Variants in CALN1 observed in about 807,000 individuals in gnomAD.
CALN1 encodes the protein calcium-binding protein 8.
In CALN1, 17 loss-of-function variants were observed where a neutral mutation model predicts 30.6. The ratio of observed to expected loss-of-function variants is 0.56; its 90% CI spans 0.38 to 0.83. The LOEUF (loss-of-function observed/expected upper bound fraction) is 0.83, where lower values mean the gene tolerates loss of function less well. CALN1 is among the 40% of genes least tolerant of loss of function. The pLI is 0.00. For synonymous variants in CALN1, 156 were observed against 131.4 expected, an observed-to-expected ratio of 1.19 and a Z score of -1.28; for missense variants, 291 against 354.9, an observed-to-expected ratio of 0.82 and a Z score of 1.45.
intron 4 of CALN1, among the ~76,000 whole-genome samples, chr7:72,051,029 TAAATA>T (rs1323989282): frequency 6.7e-6 from 1 of 150,296 alleles, no homozygotes; most frequent in Non-Finnish European, 1.5e-5. Flanking sequence ...AATAAATAAA[TAAATA>T]AATAAATATT....
the CALN1 span, among the ~76,000 whole-genome samples, chr7:72,487,734 A>AAAGAAAGAAAGGAAGGAAGGAAGGAAGG: frequency 5.3e-5 from 3 of 56,620 alleles, no homozygotes; most frequent in Non-Finnish European, 9.3e-5. Flanking sequence ...AGAAAGAAAG[A>AAAGAAAGAAAGGAAGGAAGGAAGGAAGG]AAGGAAGGAA....
chr7:72,249,672 G>A (rs1001029931), intron 3 of CALN1, among the ~76,000 whole-genome samples: 2 of 152,056 alleles, frequency 1.3e-5, no homozygotes, highest in Non-Finnish European at 2.9e-5. Flanking sequence ...TGTGGTGGCA[G>A]GTGACTGTAA....
chr7:71,858,912 G>A (rs1240548863), intron 5 of CALN1, among the ~76,000 whole-genome samples: 2 of 152,156 alleles, frequency 1.3e-5, no homozygotes, highest in South Asian at 2.1e-4. Context: ...TCACGGGCAC[G>A]TCCTTAACCT....
At chr7:72,451,257 G>GAGA, upstream of CALN1, among the ~76,000 whole-genome samples, 1 of 148,522 alleles carries the variant, frequency 6.7e-6, no homozygotes, top group African/African-American at 2.5e-5. Context: ...GGAGGAAGAG[G>GAGA]AGGAGGAGGA....
chr7:71,923,160 A>T (rs1356207891), intron 5 of CALN1, among the ~76,000 whole-genome samples: 1 of 151,952 alleles, frequency 6.6e-6, no homozygotes, highest in Non-Finnish European at 1.5e-5. Context: ...GTTGGTAAAC[A>T]AGTGAGTAGC....
At chr7:72,437,324 G>A (rs915498194) in intron 1 of CALN1, among the ~76,000 whole-genome samples, 6 of 152,134 alleles carry the variant, frequency 3.9e-5, no homozygotes, top group African/African-American at 1.4e-4. Flanking sequence ...GCCCCTCCCT[G>A]GCAGTCCTGA....
intron 5 of CALN1, among the ~76,000 whole-genome samples, chr7:71,840,394 A>G (rs1485178630): frequency 6.9e-6 from 1 of 145,296 alleles, no homozygotes; most frequent in African/African-American, 2.5e-5. Context: ...CTGAGTTGGG[A>G]GGATCATTTG....
At chr7:71,925,296 A>C in intron 5 of CALN1, among the ~76,000 whole-genome samples, 1 of 152,006 alleles carries the variant, frequency 6.6e-6, no homozygotes, top group East Asian at 1.9e-4. Context: ...AGAAAAGAAA[A>C]GAAAAGAAAG....
chr7:72,186,264 G>A (rs1161510474), intron 3 of CALN1, among the ~76,000 whole-genome samples: 1 of 152,070 alleles, frequency 6.6e-6, no homozygotes, highest in African/African-American at 2.4e-5. Context: ...CGCTCAAATG[G>A]TGACTGTAGT....
intron 2 of CALN1, among the ~76,000 whole-genome samples, chr7:72,343,503 A>G (rs1802477950): frequency 6.6e-6 from 1 of 151,790 alleles, no homozygotes. Flanking sequence ...AGCTGAGATC[A>G]GCCACTGCAC....
chr7:72,252,831 A>G (rs1795657376), intron 3 of CALN1, among the ~76,000 whole-genome samples: 2 of 152,202 alleles, frequency 1.3e-5, no homozygotes, highest in Admixed American at 1.3e-4. Flanking sequence ...CCACAAGAGC[A>G]GAAGCTCTGT....
At chr7:72,241,985 T>C (rs1387110558) in intron 3 of CALN1, among the ~76,000 whole-genome samples, 1 of 152,200 alleles carries the variant, frequency 6.6e-6, no homozygotes, top group African/African-American at 2.4e-5. Flanking sequence ...TTTTTCATTA[T>C]CCCAAAGTGA....
intron 2 of CALN1, among the ~76,000 whole-genome samples, chr7:72,310,909 A>T (rs1799995968): frequency 1.2e-3 from 1 of 814 alleles, no homozygotes; most frequent in Admixed American, 0.056. Context: ...CTCCGTCTTA[A>T]AAAAAAAAAA....
At chr7:72,062,262 C>T (rs747406568) in intron 4 of CALN1, among the ~76,000 whole-genome samples, 1 of 152,080 alleles carries the variant, frequency 6.6e-6, no homozygotes, top group Non-Finnish European at 1.5e-5. Flanking sequence ...CGCCTGTGAT[C>T]CCAGCACTTT....
chr7:72,384,700 C>G (rs1164852092), intron 2 of CALN1, among the ~76,000 whole-genome samples: 1 of 151,606 alleles, frequency 6.6e-6, no homozygotes, highest in Non-Finnish European at 1.5e-5. Flanking sequence ...AAACACAAAA[C>G]TATAAAACTT....
intron 4 of CALN1, among the ~76,000 whole-genome samples, chr7:72,025,746 A>G (rs1801014180): frequency 6.6e-6 from 1 of 152,194 alleles, no homozygotes; most frequent in Non-Finnish European, 1.5e-5. Context: ...AGGTGTCTGC[A>G]CACAAGAGTT....
intron 3 of CALN1, among the ~76,000 whole-genome samples, chr7:72,181,789 T>C (rs574976343): frequency 3.3e-5 from 5 of 152,316 alleles, no homozygotes; most frequent in South Asian, 2.1e-4. Context: ...TCGGTAACTT[T>C]TATCTATTAC....
chr7:72,189,788 T>A (rs934539065), intron 3 of CALN1, among the ~76,000 whole-genome samples: 13 of 130,260 alleles, frequency 1.0e-4, no homozygotes, highest in East Asian at 5.9e-4. Context: ...AAAAAAAAAA[T>A]TTACTATGTA....
intron 3 of CALN1, among the ~76,000 whole-genome samples, chr7:72,187,143 CTAT>C (rs1398200585): frequency 6.6e-6 from 1 of 152,018 alleles, no homozygotes; most frequent in South Asian, 2.1e-4. Flanking sequence ...GTAACCATTA[CTAT>C]TATTATGACT....
Sources: allele counts gnomAD v4.1 joint callset (sites outside exome capture counted in the v4.1 genomes callset), GRCh38; gene constraint gnomAD v4.1.1; transcripts MANE v1.5; gene names NCBI Gene and HGNC (gene_info 2026-07-23, HGNC 2026-07-21).